CNTN4: variants seen among roughly 807,000 people sequenced by gnomAD.
CNTN4 encodes contactin 4, also known as contactin-4.
CNTN4 carries 77 observed loss-of-function variants against 122.5 expected under a neutral mutation model. The observed-to-expected ratio is 0.63, with a 90% CI of 0.52 to 0.76. The LOEUF (loss-of-function observed/expected upper bound fraction) is 0.76, where lower values mean the gene tolerates loss of function less well. Among genes scored for constraint, CNTN4 ranks in the 30% least tolerant of loss-of-function variants. The pLI, the probability that CNTN4 is intolerant of heterozygous loss-of-function variation, is 0.00. For synonymous variants in CNTN4, 512 were observed against 447.0 expected, an observed-to-expected ratio of 1.15 and a Z score of -1.83; for missense variants, 1,256 against 1,259.1, an observed-to-expected ratio of 1.00 and a Z score of 0.04.
chr3:2,340,714 G>T (rs57078533), intron 3 of CNTN4, among the ~76,000 whole-genome samples: 908 of 72,246 alleles, frequency 0.013, 10 homozygotes, highest in African/African-American at 0.026. Context: ...TATATATAGA[G>T]AGAGAGAGAG....
chr3:2,647,447 G>C (rs1332355666), intron 4 of CNTN4, among the ~76,000 whole-genome samples: 1 of 151,962 alleles, frequency 6.6e-6, no homozygotes. Flanking sequence ...CTTATCTCAA[G>C]GTCTTGGCCC....
At chr3:2,893,502 A>G (rs575277798) in intron 10 of CNTN4, among the ~76,000 whole-genome samples, 6 of 152,224 alleles carry the variant, frequency 3.9e-5, no homozygotes, top group Admixed American at 2.6e-4. Context: ...CACTTAAGAT[A>G]AAGTCAACAA....
intron 2 of CNTN4, among the ~76,000 whole-genome samples, chr3:2,219,185 G>A (rs1210228500): frequency 6.6e-6 from 1 of 152,178 alleles, no homozygotes; most frequent in Non-Finnish European, 1.5e-5. Context: ...AACTCTGGAG[G>A]TAGAGGGTTA....
chr3:2,571,514 C>T lies in CNTN4; in HGVS notation c.11C>T (p.Pro4Leu), dbSNP rs1297787062. Reference sequence around the variant, plus strand: ...CCTCGGAAACTGAAGATGAGGTTGCCATGGGAACTGCTGGTACTGCAATCA... The same window carrying T: ...CCTCGGAAACTGAAGATGAGGTTGCTATGGGAACTGCTGGTACTGCAATCA... The part of the protein sequence containing the change: MRL[P>L]WELLVLQSFI... Residue 4 changes from proline to leucine, a missense_variant, in exon 4 of 25, where the codon CCA (proline) becomes CTA (leucine). Physicochemically the swap from Pro to Leu is moderately conservative, Grantham distance 98. Coordinates refer to ENST00000418658, the MANE Select transcript of CNTN4 (RefSeq NM_175607.3). The T allele has an allele frequency of 6.2e-7, 1 of 1,613,348 alleles. No individual in the cohort carries two copies. The highest frequency in any genetic ancestry group is 8.5e-7 in the Non-Finnish European group (1 of 1,179,400).
At chr3:2,282,364 C>T (rs1314344466) in intron 2 of CNTN4, among the ~76,000 whole-genome samples, 2 of 149,476 alleles carry the variant, frequency 1.3e-5, no homozygotes, top group East Asian at 3.9e-4. Context: ...TTAATGTATA[C>T]AGCATGCATT....
At chr3:2,242,015 G>C (rs1319724590) in intron 2 of CNTN4, among the ~76,000 whole-genome samples, 1 of 152,088 alleles carries the variant, frequency 6.6e-6, no homozygotes, top group Non-Finnish European at 1.5e-5. Context: ...AACAAAAAGA[G>C]CATGTCTGCA....
chr3:2,604,145 A>T (rs766533568), intron 4 of CNTN4, among the ~76,000 whole-genome samples: 18 of 152,180 alleles, frequency 1.2e-4, no homozygotes, highest in Non-Finnish European at 2.1e-4. Flanking sequence ...AGAAAGTAGG[A>T]TTCTACCATA....
intron 4 of CNTN4, among the ~76,000 whole-genome samples, chr3:2,681,571 C>T (rs911421384): frequency 6.6e-6 from 1 of 152,084 alleles, no homozygotes; most frequent in Non-Finnish European, 1.5e-5. Flanking sequence ...AACCTAAATA[C>T]CTAGATATGT....
chr3:2,154,003 A>G (rs1277357028), intron 2 of CNTN4, among the ~76,000 whole-genome samples: 1 of 152,182 alleles, frequency 6.6e-6, no homozygotes, highest in Non-Finnish European at 1.5e-5. Flanking sequence ...TATATAAATC[A>G]TACTGGTTTG....
At chr3:2,231,513 C>G in intron 2 of CNTN4, among the ~76,000 whole-genome samples, 1 of 152,170 alleles carries the variant, frequency 6.6e-6, no homozygotes, top group Non-Finnish European at 1.5e-5. Context: ...CAAGAGTTCT[C>G]TGAGGAAGCA....
chr3:2,755,949 A>T (rs1389541858), intron 6 of CNTN4, among the ~76,000 whole-genome samples: 5 of 152,250 alleles, frequency 3.3e-5, no homozygotes, highest in Admixed American at 3.3e-4. Flanking sequence ...CAGTCAACAA[A>T]TATTAAAATA....
At chr3:2,300,761 G>A (rs1451319094) in intron 2 of CNTN4, among the ~76,000 whole-genome samples, 2 of 151,578 alleles carry the variant, frequency 1.3e-5, no homozygotes, top group Non-Finnish European at 2.9e-5. Flanking sequence ...CGTAGAGATG[G>A]GGTTTCACCA....
intron 3 of CNTN4, among the ~76,000 whole-genome samples, chr3:2,466,495 G>A (rs962337146): frequency 1.3e-5 from 2 of 152,138 alleles, no homozygotes; most frequent in South Asian, 4.1e-4. Context: ...GGGAGAGAGG[G>A]GAGGGCAGTA....
At chr3:2,418,759 A>G (rs954564056) in intron 3 of CNTN4, among the ~76,000 whole-genome samples, 4 of 152,240 alleles carry the variant, frequency 2.6e-5, no homozygotes, top group African/African-American at 9.6e-5. Flanking sequence ...AAACAATATC[A>G]GGGACATTGA....
chr3:3,023,684 T>C (rs996293612), intron 14 of CNTN4, among the ~76,000 whole-genome samples: 1 of 152,174 alleles, frequency 6.6e-6, no homozygotes, highest in African/African-American at 2.4e-5. Context: ...ATTTTAGGCA[T>C]AAAATCATCA....
Position 2,793,879 on chromosome 3 carries a change from A to G in CNTN4, c.359-25607A>G, listed in dbSNP as rs944520131. Among the ~76,000 whole-genome samples the G allele has an allele frequency of 1.1e-4, 17 of 152,338 alleles. No individual in the cohort carries two copies. In the South Asian group the frequency reaches 2.1e-3, roughly 19 times the overall value. ...AGCATTCAGTTAGTAACCCATTCCT[A>G]TGAAAGAATCTTTGAGAATGAATCA... On this transcript the variant is annotated intron_variant, in intron 6 of 24. Coordinates refer to ENST00000418658, the MANE Select transcript of CNTN4 (RefSeq NM_175607.3).
At chr3:2,266,599 C>A (rs769074531) in intron 2 of CNTN4, among the ~76,000 whole-genome samples, 5 of 152,006 alleles carry the variant, frequency 3.3e-5, no homozygotes, top group Non-Finnish European at 4.4e-5. Flanking sequence ...ATATATGAGA[C>A]AAGGAGCCTT....
chr3:2,596,554 A>G (rs2080779459), intron 4 of CNTN4, among the ~76,000 whole-genome samples: 1 of 152,096 alleles, frequency 6.6e-6, no homozygotes, highest in Non-Finnish European at 1.5e-5. Flanking sequence ...GCATACATAT[A>G]TAATAGATAA....
chr3:2,472,921 G>T (rs1176675888), intron 3 of CNTN4, among the ~76,000 whole-genome samples: 2 of 152,078 alleles, frequency 1.3e-5, no homozygotes, highest in African/African-American at 4.8e-5. Context: ...GTCAATAAGT[G>T]ATTAAATTGA....
Sources: allele counts gnomAD v4.1 joint callset (sites outside exome capture counted in the v4.1 genomes callset), GRCh38; gene constraint gnomAD v4.1.1; transcripts MANE v1.5; gene names NCBI Gene and HGNC (gene_info 2026-07-23, HGNC 2026-07-21).